AIG1: variants seen among roughly 807,000 people sequenced by gnomAD.
AIG1 encodes androgen induced 1.
AIG1 carries 23 observed loss-of-function variants against 31.4 expected under a neutral mutation model. The observed-to-expected ratio is 0.73, with a 90% CI of 0.53 to 1.04. The LOEUF is 1.04. Among genes scored for constraint, AIG1 ranks in the 50% least tolerant of loss-of-function variants. The pLI is 0.00. For synonymous variants in AIG1, 100 were observed against 110.5 expected, an observed-to-expected ratio of 0.90 and a Z score of 0.60; for missense variants, 274 against 295.0, an observed-to-expected ratio of 0.93 and a Z score of 0.52.
rs375904777 is a variant in AIG1, at chr6:143,232,506, G to A, written c.400-51604G>A. On this transcript the variant is annotated intron_variant, in intron 3 of 5. Coordinates refer to ENST00000357847, the MANE Select transcript of AIG1 (RefSeq NM_016108.4). ...CCTGATTGTAAGGTATACATCAAAG[G>A]GAACTATCCACCATCCCCCAAACAC... Among the ~76,000 whole-genome samples, 83 of 152,122 alleles carry A rather than the reference G, an allele frequency of 5.5e-4. No individual in the cohort carries two copies. In the East Asian group the frequency reaches 0.011, roughly 21 times the overall value.
In AIG1 at chr6:143,327,696, TA is replaced by T. The variant is rs34603415; in HGVS notation, c.516-5572del. The T allele has an allele frequency of 0.45, 66,942 of 149,680 alleles. 14,751 individuals are homozygous for T. The highest frequency in any genetic ancestry group is 0.73 in the East Asian group (3,854 of 5,246). The allele number at this position is 149,680 out of a possible 1,614,324, so 9.3% of individuals were successfully genotyped here. A position where few individuals can be genotyped will look rare whatever the true frequency, so the allele number is the denominator to read the frequency against. On this transcript the variant is annotated intron_variant, in intron 4 of 5. Transcript: ENST00000357847. This position sits in a 1 kb window ranked among gnomAD's most constrained non-coding sequence, Gnocchi z 5.3. ...TACATCAAATAAAGTTATAAAATTG[TA>T]AAAAAAAAAAAAAGATAATGGATTA...
chr6:143,095,573 T>C (rs1364164908), intron 1 of AIG1, among the ~76,000 whole-genome samples: 3 of 152,172 alleles, frequency 2.0e-5, no homozygotes, highest in Admixed American at 6.5e-5. Context: ...ATTTAGACTC[T>C]GAGTCAAAGA....
intron 2 of AIG1, among the ~76,000 whole-genome samples, chr6:143,139,368 G>A (rs1583298032): frequency 6.6e-6 from 1 of 151,890 alleles, no homozygotes; most frequent in Non-Finnish European, 1.5e-5. Context: ...TGTCCTAGTG[G>A]CTCTCTGACA....
At chr6:143,226,985 C>CTTTTTTTTTTTTTT (rs11431811) in intron 3 of AIG1, among the ~76,000 whole-genome samples, 1 of 113,620 alleles carries the variant, frequency 8.8e-6, no homozygotes, top group Non-Finnish European at 1.8e-5. Flanking sequence ...GAGTTTTTGT[C>CTTTTTTTTTTTTTT]TTTTTTTTTT....
chr6:143,078,594 G>A (rs908239609), intron 1 of AIG1, among the ~76,000 whole-genome samples: 1 of 152,190 alleles, frequency 6.6e-6, no homozygotes, highest in Non-Finnish European at 1.5e-5. Context: ...AAGGCAAAAG[G>A]CATGTCTTAC....
intron 5 of AIG1, among the ~76,000 whole-genome samples, chr6:143,337,502 G>T (rs993045578): frequency 6.6e-6 from 1 of 151,932 alleles, no homozygotes; most frequent in African/African-American, 2.4e-5. Flanking sequence ...CGCGGGGGGG[G>T]ACACAATTCA....
At chr6:143,187,887 C>T (rs1336131621) in intron 3 of AIG1, 1 of 1,384,348 alleles carries the variant, frequency 7.2e-7, no homozygotes, top group Non-Finnish European at 9.3e-7. Flanking sequence ...TCAAAAATTA[C>T]CCCTTAATTT....
chr6:143,151,480 A>G (rs1200122962), intron 2 of AIG1, among the ~76,000 whole-genome samples: 1 of 149,716 alleles, frequency 6.7e-6, no homozygotes, highest in Non-Finnish European at 1.5e-5. Context: ...TTTAATGTAT[A>G]TAATCTAAAA....
chr6:143,282,111 A>AGCATATTCT (rs1477352688), intron 3 of AIG1, among the ~76,000 whole-genome samples: 4 of 152,208 alleles, frequency 2.6e-5, no homozygotes, highest in Admixed American at 1.3e-4. Context: ...CAACTGAATA[A>AGCATATTCT]GCATATTCTG....
intron 3 of AIG1, among the ~76,000 whole-genome samples, chr6:143,204,493 C>T (rs139471298): frequency 6.6e-6 from 1 of 152,166 alleles, no homozygotes; most frequent in African/African-American, 2.4e-5. Flanking sequence ...TTATAGTTCC[C>T]AGAGCAGTAT....
rs983120521 is a variant in AIG1 at position 143,330,427 on chromosome 6, T to C, written c.516-2855T>C. ...ATGCTGTGGGGGTGGTGAGGAGTAT[T>C]GTTCTGGGCAGGGGAATAATACAAA... On this transcript the variant is annotated intron_variant, in intron 4 of 5. Transcript: ENST00000357847. This position sits in a 1 kb window ranked among gnomAD's most constrained non-coding sequence, Gnocchi z 4.4. Among the ~76,000 whole-genome samples, 1 of 152,026 alleles carries C rather than the reference T, an allele frequency of 6.6e-6. No individual in the cohort carries two copies.
intron 1 of AIG1, among the ~76,000 whole-genome samples, chr6:143,068,192 A>G (rs1776896635): frequency 6.6e-6 from 1 of 152,128 alleles, no homozygotes; most frequent in Non-Finnish European, 1.5e-5. Context: ...ATTTGGCAAA[A>G]TTGGTAACTG....
At chr6:143,247,194 C>A (rs1794680392) in intron 3 of AIG1, among the ~76,000 whole-genome samples, 1 of 152,116 alleles carries the variant, frequency 6.6e-6, no homozygotes, top group South Asian at 2.1e-4. Flanking sequence ...TGCAATGGCA[C>A]AATCTTGGCT....
chr6:143,209,251 A>G (rs980357906), intron 3 of AIG1, among the ~76,000 whole-genome samples: 5 of 152,334 alleles, frequency 3.3e-5, no homozygotes, highest in Admixed American at 2.0e-4. Context: ...ATTGAACAGG[A>G]TACTAAAATC....
intron 3 of AIG1, among the ~76,000 whole-genome samples, chr6:143,231,411 G>A (rs549094913): frequency 1.1e-4 from 16 of 152,246 alleles, no homozygotes; most frequent in South Asian, 4.1e-4. Context: ...AAGATGAGGC[G>A]CATTGACTTA....
intron 3 of AIG1, among the ~76,000 whole-genome samples, chr6:143,266,192 C>G (rs981300847): frequency 6.6e-6 from 1 of 151,798 alleles, no homozygotes; most frequent in African/African-American, 2.4e-5. Context: ...TACTAAAATA[C>G]AAAAATTAGC....
intron 4 of AIG1, among the ~76,000 whole-genome samples, chr6:143,285,645 AAAATAAAC>A (rs1207276912): frequency 6.6e-6 from 1 of 151,864 alleles, no homozygotes; most frequent in Admixed American, 6.6e-5. Flanking sequence ...CCCTGTCTCA[AAAATAAAC>A]AAATAAATAA....
intron 1 of AIG1, among the ~76,000 whole-genome samples, chr6:143,126,535 G>T (rs111300436): frequency 6.6e-6 from 1 of 152,182 alleles, no homozygotes. Context: ...GAAAGCGGGG[G>T]ATCCCTTGAA....
intron 1 of AIG1, among the ~76,000 whole-genome samples, chr6:143,123,686 G>A (rs1782424077): frequency 1.3e-5 from 2 of 152,022 alleles, no homozygotes; most frequent in African/African-American, 4.8e-5. Flanking sequence ...CTATGGTTGA[G>A]TCTGTACATA....
Sources: gnomAD v4.1 joint callset for allele counts (sites outside exome capture counted in the v4.1 genomes callset) on GRCh38, gnomAD v4.1.1 for gene constraint, Gnocchi (gnomAD v3.1) non-coding constraint, MANE v1.5 for transcripts, NCBI Gene and HGNC (gene_info 2026-07-23, HGNC 2026-07-21) for gene names.